FSTL5: variants seen among roughly 807,000 people sequenced by gnomAD.
FSTL5 encodes the protein follistatin-related protein 5.
A neutral mutation model predicts 89.1 loss-of-function variants in FSTL5; 62 were observed. The ratio of observed to expected loss-of-function variants is 0.70; its 90% confidence interval spans 0.57 to 0.86. The LOEUF (loss-of-function observed/expected upper bound fraction) is 0.86. Among genes scored for constraint, FSTL5 ranks in the 40% least tolerant of loss-of-function variants. The pLI is 0.00. For synonymous variants in FSTL5, 383 were observed against 346.2 expected (o/e 1.11, Z -1.18); for missense variants, 1,057 against 1,001.6 (o/e 1.06, Z -0.75).
intron 2 of FSTL5, among the ~76,000 whole-genome samples, chr4:162,038,055 T>C (rs976241218): frequency 3.9e-5 from 6 of 151,938 alleles, no homozygotes; most frequent in Non-Finnish European, 7.4e-5. Context: ...CACGATTCAT[T>C]TGAAAAACAT....
At chr4:161,885,713 T>G (rs1311585223) in intron 4 of FSTL5, among the ~76,000 whole-genome samples, 1 of 152,132 alleles carries the variant, frequency 6.6e-6, no homozygotes, top group Non-Finnish European at 1.5e-5. Flanking sequence ...CCTCCCAAAG[T>G]GCTGGGATTA....
Position 161,775,994 on chromosome 4 carries a change from C to T in FSTL5, c.490G>A (p.Glu164Lys), listed in dbSNP as rs759597733. The T allele has an allele frequency of 1.3e-6, 2 of 1,598,378 alleles. No individual in the cohort carries two copies. Among genetic ancestry groups the T allele is most frequent in the Non-Finnish European group, 1.7e-6 (2 of 1,168,750 alleles). ...TCGTCGCCATTAGGATTTTCATTTT[C>T]TTGCATAATATATTTTTGATTTTGT... Reference protein sequence around the residue: ...DLQNQKYIMQENENPNGDDIS... With the variant: ...DLQNQKYIMQKNENPNGDDIS... The change falls in exon 5 of 16, where the codon GAA (glutamate) becomes AAA (lysine). Residue 164 changes from glutamate to lysine, a missense_variant. This residue lies in a region of FSTL5 where 980 missense variants were observed against 903.2 expected (regional missense o/e 1.08). Transcript: ENST00000306100.
rs367854906 is a variant in FSTL5 at position 161,544,904 on chromosome 4, C to T, written c.1016-2211G>A. Among the ~76,000 whole-genome samples the T allele has an allele frequency of 2.5e-4, 38 of 152,002 alleles. 1 individual carries two copies. In the East Asian group the frequency reaches 7.2e-3, roughly 29 times the overall value. ...AATAATTTTCTTTATAAAAGTCACTCACTGAATTAACTAGTGATGAATACA... is the reference window on the plus strand; with the variant it reads ...AATAATTTTCTTTATAAAAGTCACTTACTGAATTAACTAGTGATGAATACA... On this transcript the variant is annotated intron_variant, in intron 8 of 15. Coordinates refer to ENST00000306100, the MANE Select transcript of FSTL5 (RefSeq NM_020116.5).
intron 4 of FSTL5, among the ~76,000 whole-genome samples, chr4:161,916,669 A>T (rs1357229904): frequency 6.6e-6 from 1 of 152,188 alleles, no homozygotes; most frequent in African/African-American, 2.4e-5. Flanking sequence ...TTATATTCAT[A>T]GGTATATTGT....
intron 7 of FSTL5, among the ~76,000 whole-genome samples, chr4:161,597,245 A>G (rs1165522342): frequency 6.6e-6 from 1 of 152,144 alleles, no homozygotes; most frequent in Non-Finnish European, 1.5e-5. Context: ...AGCTTTCTAC[A>G]TATGGCTAGC....
chr4:161,447,759 A>C (rs1485493092), intron 15 of FSTL5, among the ~76,000 whole-genome samples: 1 of 152,146 alleles, frequency 6.6e-6, no homozygotes, highest in African/African-American at 2.4e-5. Context: ...AAATAAGATT[A>C]AGAAAGTTAT....
chr4:161,647,360 T>C (rs1429680655), intron 7 of FSTL5, among the ~76,000 whole-genome samples: 1 of 152,192 alleles, frequency 6.6e-6, no homozygotes, highest in East Asian at 1.9e-4. Flanking sequence ...TCTGTCTTTA[T>C]GCTGGTGCCA....
intron 7 of FSTL5, among the ~76,000 whole-genome samples, chr4:161,647,910 T>C (rs1023910252): frequency 3.3e-5 from 5 of 152,050 alleles, no homozygotes; most frequent in African/African-American, 1.2e-4. Flanking sequence ...CACAGGCAGC[T>C]GGACGTCGAG....
chr4:161,398,679 A>C (rs868348068), intron 15 of FSTL5, among the ~76,000 whole-genome samples: 1 of 152,130 alleles, frequency 6.6e-6, no homozygotes, highest in Non-Finnish European at 1.5e-5. Context: ...TTAGAAGTAC[A>C]TAATTTTAAA....
intron 1 of FSTL5, among the ~76,000 whole-genome samples, chr4:162,120,647 A>T (rs1731820825): frequency 6.6e-6 from 1 of 152,070 alleles, no homozygotes; most frequent in Non-Finnish European, 1.5e-5. Flanking sequence ...GTGAGTCAAA[A>T]AATTAAGTTG....
chr4:161,616,243 T>C (rs1734863710), intron 7 of FSTL5, among the ~76,000 whole-genome samples: 1 of 152,068 alleles, frequency 6.6e-6, no homozygotes, highest in African/African-American at 2.4e-5. Flanking sequence ...CTCGCCACCA[T>C]GCCCGCTAAT....
At chr4:161,582,890 T>A (rs560361214) in intron 8 of FSTL5, among the ~76,000 whole-genome samples, 12 of 152,218 alleles carry the variant, frequency 7.9e-5, no homozygotes, top group Admixed American at 2.6e-4. Context: ...AAAACTTTTT[T>A]AAAAAGTTCT....
rs76550794 is a variant in FSTL5, at chr4:161,679,785, A to G, written c.728-23291T>C. ...AGTTGACAATATTAATTGATCACAT[A>G]CTATGTGCTAGGTACTCTTCTCACG... On this transcript the variant is annotated intron_variant, in intron 6 of 15. Transcript: ENST00000306100. Among the ~76,000 whole-genome samples, 1,207 of 151,934 alleles carry G rather than the reference A, an allele frequency of 7.9e-3. 16 individuals carry two copies. Among genetic ancestry groups the G allele is most frequent in the African/African-American group, 0.028 (1,160 of 41,528 alleles).
chr4:162,123,833 A>AT (rs1406672987), intron 1 of FSTL5, among the ~76,000 whole-genome samples: 5 of 151,188 alleles, frequency 3.3e-5, no homozygotes, highest in Non-Finnish European at 5.9e-5. Flanking sequence ...CAGGTAAAAG[A>AT]TTTTTTTTTA....
intron 15 of FSTL5, among the ~76,000 whole-genome samples, chr4:161,396,271 G>A (rs1405466396): frequency 6.6e-6 from 1 of 151,972 alleles, no homozygotes; most frequent in Admixed American, 6.6e-5. Context: ...AGATTTCTAT[G>A]GATGATTATA....
chr4:161,937,867 C>A (rs1734475224), intron 3 of FSTL5, among the ~76,000 whole-genome samples: 2 of 152,118 alleles, frequency 1.3e-5, no homozygotes, highest in South Asian at 4.1e-4. Flanking sequence ...TTTAGCCCTG[C>A]CAGTTGCCCT....
At chr4:162,036,145 T>C (rs1459881058) in intron 2 of FSTL5, among the ~76,000 whole-genome samples, 2 of 152,102 alleles carry the variant, frequency 1.3e-5, no homozygotes, top group Non-Finnish European at 2.9e-5. Context: ...TCTCGTTCTA[T>C]TGCTAAGGAT....
chr4:161,648,320 C>A (rs1736221128), intron 7 of FSTL5, among the ~76,000 whole-genome samples: 1 of 152,168 alleles, frequency 6.6e-6, no homozygotes, highest in South Asian at 2.1e-4. Flanking sequence ...CCCCTAGACA[C>A]TGCCAGGGGA....
intron 2 of FSTL5, among the ~76,000 whole-genome samples, chr4:162,046,889 C>T (rs1267977608): frequency 6.6e-6 from 1 of 151,830 alleles, no homozygotes; most frequent in Non-Finnish European, 1.5e-5. Context: ...TGCAAACAGC[C>T]CATAAGTAAG....
Sources: gnomAD v4.1 joint callset for allele counts (sites outside exome capture counted in the v4.1 genomes callset) on GRCh38, gnomAD v4.1.1 for gene constraint, gnomAD v4.1.1 regional missense constraint, MANE v1.5 for transcripts, NCBI Gene and HGNC (gene_info 2026-07-23, HGNC 2026-07-21) for gene names.